HOMER2: variants seen among roughly 807,000 people sequenced by gnomAD.
The protein encoded by HOMER2 is homer protein homolog 2.
In HOMER2, 27 loss-of-function variants were observed where a neutral mutation model predicts 47.0. The observed-to-expected ratio is 0.57, with a 90% CI of 0.42 to 0.79. The LOEUF is 0.79. Among genes scored for constraint, HOMER2 ranks in the 30% least tolerant of loss-of-function variants. HOMER2 has a pLI of 0.00. For synonymous variants in HOMER2, 161 were observed against 163.8 expected (o/e 0.98, Z 0.13); for missense variants, 443 against 435.0 (o/e 1.02, Z -0.16).
chr15:82,852,896 C>T (rs1486031536), intron 6 of HOMER2: 1 of 152,470 alleles, frequency 6.6e-6, no homozygotes, highest in African/African-American at 2.4e-5. Flanking sequence ...GCTGACCCCT[C>T]AAAACAGTTA....
chr15:82,917,967 T>A (rs1195469349), intron 1 of HOMER2, among the ~76,000 whole-genome samples: 2 of 152,122 alleles, frequency 1.3e-5, no homozygotes, highest in Non-Finnish European at 2.9e-5. Context: ...CTGCTGAGAC[T>A]AGAGCCCTGC....
At chr15:82,858,812 T>C (rs1025439744) in intron 5 of HOMER2, among the ~76,000 whole-genome samples, 1 of 151,898 alleles carries the variant, frequency 6.6e-6, no homozygotes, top group Non-Finnish European at 1.5e-5. Flanking sequence ...ACACACACTC[T>C]CTATTTCCCA....
chr15:82,951,961 A>G (rs144093600), intron 1 of HOMER2: 4 of 672,102 alleles, frequency 6.0e-6, no homozygotes, highest in East Asian at 1.3e-4. Flanking sequence ...GAGTATTTCA[A>G]CTTCCCTCCT....
chr15:82,916,929 G>A (rs775551288), intron 1 of HOMER2, among the ~76,000 whole-genome samples: 2 of 152,124 alleles, frequency 1.3e-5, no homozygotes, highest in Non-Finnish European at 2.9e-5. Flanking sequence ...AACCTCCCGA[G>A]TAGCTGGGAT....
intron 1 of HOMER2, among the ~76,000 whole-genome samples, chr15:82,941,349 C>A (rs1056778977): frequency 6.8e-6 from 1 of 146,348 alleles, no homozygotes; most frequent in African/African-American, 2.5e-5. Context: ...GAGGCTGAGG[C>A]GCAAGAATCG....
intron 1 of HOMER2, among the ~76,000 whole-genome samples, chr15:82,915,239 T>C (rs1191020343): frequency 6.6e-6 from 1 of 152,158 alleles, no homozygotes; most frequent in Non-Finnish European, 1.5e-5. Context: ...ACTCTATACA[T>C]GTAACATGGC....
chr15:82,853,538 A>G (rs2051468322), intron 6 of HOMER2, among the ~76,000 whole-genome samples: 1 of 152,112 alleles, frequency 6.6e-6, no homozygotes, highest in Non-Finnish European at 1.5e-5. Flanking sequence ...GGCAGGGGAG[A>G]AAAGGGGGTC....
chr15:82,947,468 T>C (rs1373143347), intron 1 of HOMER2, among the ~76,000 whole-genome samples: 1 of 152,242 alleles, frequency 6.6e-6, no homozygotes, highest in Non-Finnish European at 1.5e-5. Flanking sequence ...CAGTAGATCT[T>C]ATTTGTAAAC....
chr15:82,966,242 AG>A (rs1367772403), intron 1 of HOMER2, among the ~76,000 whole-genome samples: 12 of 152,218 alleles, frequency 7.9e-5, no homozygotes, highest in Non-Finnish European at 1.2e-4. Flanking sequence ...GGAAAAGTGG[AG>A]GTACAGGTGA....
In HOMER2 at chr15:82,913,762, C is replaced by T; in HGVS notation, c.6-20921G>A. On this transcript the variant is annotated intron_variant, in intron 1 of 8. Transcript: ENST00000450735. This position sits in a 1 kb window ranked among gnomAD's most constrained non-coding sequence, Gnocchi z 4.1. ...CTCATCCTGGCTCCCTGGGAATTCTCAGGTGCCATCTCTTTTCTGGTCATT... is the reference window on the plus strand; with the variant it reads ...CTCATCCTGGCTCCCTGGGAATTCTTAGGTGCCATCTCTTTTCTGGTCATT... Among the ~76,000 whole-genome samples, 1 of 152,190 alleles carries T rather than the reference C, an allele frequency of 6.6e-6. No homozygotes were observed. Among genetic ancestry groups the T allele is most frequent in the East Asian group, 1.9e-4 (1 of 5,186 alleles).
At chr15:82,957,294 A>T (rs1438544345), upstream of HOMER2, among the ~76,000 whole-genome samples, 1 of 151,946 alleles carries the variant, frequency 6.6e-6, no homozygotes, top group South Asian at 2.1e-4. Flanking sequence ...AAAAAAAAAA[A>T]CAGAGTGAAT....
chr15:82,859,314 TAAACAAA>T lies in HOMER2; in HGVS notation c.388-186_388-180del, dbSNP rs1485887390. 8.5e-6 allele frequency: 7 copies of T among 820,870 alleles called. No homozygotes were observed. In the African/African-American group the frequency reaches 8.6e-5, roughly 10 times the overall value. The allele number at this position is 820,870 out of a possible 1,614,324, so 50.8% of individuals were successfully genotyped here. ...GACTAACAAGTTTTTGTTTTTTTTT[TAAACAAA>T]CAAACAAACAAAAAAGAAAACAAAA... is the stretch of plus-strand genomic sequence containing the variant. On this transcript the variant is annotated intron_variant, in intron 4 of 8. Transcript: ENST00000450735.
At chr15:82,932,942 G>C (rs2054051763) in intron 1 of HOMER2, among the ~76,000 whole-genome samples, 1 of 152,012 alleles carries the variant, frequency 6.6e-6, no homozygotes, top group East Asian at 1.9e-4. Context: ...ACCCCACTGG[G>C]TGGGTCCACA....
rs142615902 is a variant in HOMER2, at chr15:82,913,151, C to T, written c.6-20310G>A. ...TAGTGGGCAGGCCATATTTCAAAGACGACGAAGATGTCATACTGGACTCTG... is the reference window on the plus strand; with the variant it reads ...TAGTGGGCAGGCCATATTTCAAAGATGACGAAGATGTCATACTGGACTCTG... On this transcript the variant is annotated intron_variant, in intron 1 of 8. Coordinates refer to ENST00000450735, the MANE Select transcript of HOMER2 (RefSeq NM_004839.4). This position sits in a 1 kb window ranked among gnomAD's most constrained non-coding sequence, Gnocchi z 4.1. 1.3e-3 allele frequency among the ~76,000 whole-genome samples: 195 copies of T among 152,182 alleles called. 2 individuals are homozygous for T. Among genetic ancestry groups the T allele is most frequent in the Admixed American group, 5.0e-3 (76 of 15,292 alleles).
At chr15:82,874,820 T>C (rs2052294040) in intron 3 of HOMER2, among the ~76,000 whole-genome samples, 1 of 152,242 alleles carries the variant, frequency 6.6e-6, no homozygotes, top group South Asian at 2.1e-4. Flanking sequence ...GATGCATTCT[T>C]GGCAGCAGGA....
intron 1 of HOMER2, among the ~76,000 whole-genome samples, chr15:82,901,919 T>G (rs961777848): frequency 6.6e-6 from 1 of 152,244 alleles, no homozygotes; most frequent in Non-Finnish European, 1.5e-5. Flanking sequence ...CACAGGTATC[T>G]GTCGTGTTAG....
chr15:82,919,846 G>C (rs952155110), intron 1 of HOMER2, among the ~76,000 whole-genome samples: 2 of 152,190 alleles, frequency 1.3e-5, no homozygotes, highest in Non-Finnish European at 2.9e-5. Flanking sequence ...CACTCTCCCA[G>C]TTGTTCAAAA....
At chr15:82,934,726 G>A (rs546762483) in intron 1 of HOMER2, among the ~76,000 whole-genome samples, 41 of 152,208 alleles carry the variant, frequency 2.7e-4, no homozygotes, top group Non-Finnish European at 4.6e-4. Context: ...CCACACCCAC[G>A]CCACTGGGCA....
intron 1 of HOMER2, among the ~76,000 whole-genome samples, chr15:82,920,004 C>T (rs1474951917): frequency 1.3e-5 from 2 of 152,216 alleles, no homozygotes; most frequent in African/African-American, 4.8e-5. Flanking sequence ...CCAGCTTGTT[C>T]ACTCTGTCCA....
Sources: allele counts gnomAD v4.1 joint callset (sites outside exome capture counted in the v4.1 genomes callset), GRCh38; gene constraint gnomAD v4.1.1; non-coding constraint Gnocchi (gnomAD v3.1); transcripts MANE v1.5; gene names NCBI Gene and HGNC (gene_info 2026-07-23, HGNC 2026-07-21).